The following TMEM220 variants were observed in gnomAD, a reference collection of about 807,000 sequenced individuals.
The protein encoded by TMEM220 is transmembrane protein 220.
A neutral mutation model predicts 21.7 loss-of-function variants in TMEM220; 21 were observed. The ratio of observed to expected loss-of-function variants is 0.97; its 90% CI spans 0.69 to 1.39. The LOEUF (loss-of-function observed/expected upper bound fraction) is 1.39, where lower values mean the gene tolerates loss of function less well. Among genes scored for constraint, TMEM220 ranks in the 40% most tolerant of loss-of-function variants. TMEM220 has a pLI of 0.00. For synonymous variants in TMEM220, 80 were observed against 73.6 expected (o/e 1.09, Z -0.45); for missense variants, 191 against 201.9 (o/e 0.95, Z 0.33).
intron 5 of TMEM220, among the ~76,000 whole-genome samples, chr17:10,717,285 C>T (rs78786535): frequency 3.4e-3 from 522 of 152,320 alleles, no homozygotes; most frequent in African/African-American, 0.012. Context: ...GGAAAGTTTT[C>T]AACTGTTCAC....
At chr17:10,719,011 T>C (rs554683580) in intron 5 of TMEM220, among the ~76,000 whole-genome samples, 3 of 152,364 alleles carry the variant, frequency 2.0e-5, no homozygotes, top group African/African-American at 7.2e-5. Context: ...CCCAAGATGA[T>C]TGTGGCTTTT....
intron 5 of TMEM220, chr17:10,716,562 C>T (rs939755725): frequency 5.2e-6 from 3 of 576,480 alleles, no homozygotes; most frequent in Non-Finnish European, 1.0e-5. Context: ...AGCTGCACCA[C>T]CGCGGTCTGC....
At chr17:10,728,343 C>G (rs2075075574) in intron 2 of TMEM220, among the ~76,000 whole-genome samples, 1 of 132,268 alleles carries the variant, frequency 7.6e-6, no homozygotes, top group African/African-American at 3.0e-5. Context: ...GAGTCTCACT[C>G]TGTCGCCCAG....
At chr17:10,725,947 A>T (rs1026385139) in intron 3 of TMEM220, among the ~76,000 whole-genome samples, 13 of 152,206 alleles carry the variant, frequency 8.5e-5, no homozygotes, top group African/African-American at 3.1e-4. Context: ...CCCCACTAGG[A>T]GAAACTGTTT....
chr17:10,712,590 A>G (rs2074861598), downstream of TMEM220, among the ~76,000 whole-genome samples: 2 of 152,254 alleles, frequency 1.3e-5, no homozygotes, highest in Non-Finnish European at 2.9e-5. Context: ...CTGAGGGAAC[A>G]TGGAGGATGA....
chr17:10,716,493 A>C lies in TMEM220; in HGVS notation c.348-905T>G, dbSNP rs79277973. ...GCCCTTGTGCCCCACGTAGTAGCGC[A>C]GATAAAAGTCACTCTTCATGGCTTG... On this transcript the variant is annotated intron_variant, in intron 5 of 5. Transcript: ENST00000341871. 1.0e-3 allele frequency: 675 copies of C among 662,926 alleles called. 5 individuals carry two copies. The East Asian group carries it at 0.026, about 25-fold the overall frequency. 41.1% of individuals were successfully genotyped at this position (662,926 alleles called of 1,614,324 possible). A position where few individuals can be genotyped will look rare whatever the true frequency, so the allele number is the denominator to read the frequency against.
rs202040633 is a variant in TMEM220 at position 10,724,997 on chromosome 17, C to T, written c.287+14G>A. 3 of 1,614,040 alleles carry T rather than the reference C, an allele frequency of 1.9e-6. No individual in the cohort carries two copies. Among genetic ancestry groups the T allele is most frequent in the African/African-American group, 1.3e-5 (1 of 75,034 alleles). On this transcript the variant is annotated intron_variant, in intron 4 of 5. Coordinates refer to ENST00000341871, the MANE Select transcript of TMEM220 (RefSeq NM_001004313.3). ...ACAGTTCTATCCCTCCACAGGGTAA[C>T]CGTCACCGCTCACCTGCCTTCTTCC...
At position 10,725,126 on chromosome 17, in the gene TMEM220, T is replaced by A; in HGVS notation, c.172A>T (p.Ile58Phe). The A allele has an allele frequency of 6.2e-7, 1 of 1,613,994 alleles. No homozygotes were observed. The highest frequency in any genetic ancestry group is 1.1e-5 in the South Asian group (1 of 91,082). Residue 58 changes from isoleucine (I) to phenylalanine (F), a missense_variant, in exon 4 of 6, where the codon ATT becomes TTT. Ile to Phe is a conservative substitution (Grantham distance 21). Coordinates refer to ENST00000341871, the MANE Select transcript of TMEM220 (RefSeq NM_001004313.3). ...TGTATTGCAGAGATACTTTTCCAAA[T>A]AACATTACCTAAAAATAGATGTTCT... ...GLNPEVTGNV[I>F]WKSISAIHIL...
At chr17:10,723,367 T>A in intron 4 of TMEM220, 38 bp from the exon 5 acceptor site, 1 of 1,538,742 alleles carries the variant, frequency 6.5e-7, no homozygotes. Flanking sequence ...TGGAAGTGGC[T>A]ACAAGTGAGA....
chr17:10,716,444 C>T, intron 5 of TMEM220: 1 of 667,046 alleles, frequency 1.5e-6, no homozygotes, highest in Non-Finnish European at 2.8e-6. Context: ...AGAACTCAAA[C>T]TCCAGAAACT....
At chr17:10,721,604 C>CAAAAAA (rs1194075248) in intron 5 of TMEM220, among the ~76,000 whole-genome samples, 37 of 35,816 alleles carry the variant, frequency 1.0e-3, no homozygotes, top group East Asian at 3.7e-3. Context: ...GACTCTGTCT[C>CAAAAAA]AAAAAAAAAA....
At chr17:10,725,349 C>T (rs1300632535) in intron 3 of TMEM220, among the ~76,000 whole-genome samples, 1 of 152,174 alleles carries the variant, frequency 6.6e-6, no homozygotes, top group Non-Finnish European at 1.5e-5. Flanking sequence ...TCAGCAGCTC[C>T]CCTTCCTAGG....
Position 10,715,460 on chromosome 17 carries a change from ACT to A in TMEM220, c.474_475del (p.Val159AsnfsTer36). The A allele has an allele frequency of 6.3e-7, 1 of 1,580,028 alleles. No homozygotes were observed. Among genetic ancestry groups the A allele is most frequent in the South Asian group, 1.2e-5 (1 of 83,238 alleles). On this transcript the variant is annotated frameshift_variant, in exon 6 of 6. Coordinates refer to ENST00000341871, the MANE Select transcript of TMEM220 (RefSeq NM_001004313.3). LOFTEE classifies it high-confidence loss of function. ...CGAAGTTCTTGAATTTATTTAAATT[ACT>A]GTCTTGCAGTGAGTTGGCCAAGAGG... is the stretch of plus-strand genomic sequence containing the variant.
intron 5 of TMEM220, 99 bp from the exon 6 acceptor site, chr17:10,715,687 T>G (rs2151469369): frequency 1.2e-6 from 1 of 831,060 alleles, no homozygotes; most frequent in South Asian, 2.6e-5. Context: ...CATTTTAGTA[T>G]GTTCTCATCT....
At position 10,729,806 on chromosome 17, in the gene TMEM220, A is replaced by C. The variant is rs2075103195; in HGVS notation, c.46T>G (p.Phe16Val). 1.2e-5 allele frequency: 17 copies of C among 1,411,210 alleles called. No homozygotes were observed. Among genetic ancestry groups the C allele is most frequent in the Non-Finnish European group, 1.6e-5 (17 of 1,075,536 alleles). 87.4% of individuals were successfully genotyped at this position (1,411,210 alleles called of 1,614,324 possible). A position where few individuals can be genotyped will look rare whatever the true frequency, so the allele number is the denominator to read the frequency against. The change falls in exon 1 of 6, where the codon TTC becomes GTC. Residue 16 changes from phenylalanine (F) to valine (V), a missense_variant. Physicochemically the swap from Phe to Val is conservative, Grantham distance 50 (BLOSUM62 -1). Coordinates refer to ENST00000341871, the MANE Select transcript of TMEM220 (RefSeq NM_001004313.3). ...WRACNGLMAA[F>V]FALAALVQVN... is the part of the protein sequence containing the mutation. ...TGCACCAAGGCCGCCAGCGCGAAGA[A>C]GGCGGCCATGAGTCCGTTGCAGGCC...
downstream of TMEM220, among the ~76,000 whole-genome samples, chr17:10,712,475 C>A (rs2074860825): frequency 6.6e-6 from 1 of 152,146 alleles, no homozygotes; most frequent in Non-Finnish European, 1.5e-5. Context: ...TTCAGCTGAC[C>A]ACAGAGGTGA....
At chr17:10,717,719 A>G (rs1035442604) in intron 5 of TMEM220, among the ~76,000 whole-genome samples, 2 of 152,152 alleles carry the variant, frequency 1.3e-5, no homozygotes, top group Non-Finnish European at 1.5e-5. Flanking sequence ...GTATTTATTG[A>G]AAGTTGGTAT....
At chr17:10,711,861 T>C (rs1382320130), downstream of TMEM220, among the ~76,000 whole-genome samples, 2 of 152,244 alleles carry the variant, frequency 1.3e-5, no homozygotes, top group South Asian at 2.1e-4. Flanking sequence ...CTAAGGCTTA[T>C]GTGTAGAAAC....
intron 1 of TMEM220, 50 bp from the exon 2 acceptor site, chr17:10,729,110 T>C: frequency 6.2e-7 from 1 of 1,608,378 alleles, no homozygotes; most frequent in Non-Finnish European, 8.5e-7. Context: ...TGCTGTTCCA[T>C]TCCTTTTAAA....
Sources: gnomAD v4.1 joint callset for allele counts (sites outside exome capture counted in the v4.1 genomes callset) on GRCh38, gnomAD v4.1.1 for gene constraint, MANE v1.5 for transcripts, NCBI Gene and HGNC (gene_info 2026-07-23, HGNC 2026-07-21) for gene names.